The following FHIT variants were observed in gnomAD, a reference collection of about 807,000 sequenced individuals.
FHIT encodes the protein fragile histidine triad diadenosine triphosphatase.
FHIT carries 19 observed loss-of-function variants against 17.9 expected under a neutral mutation model. That is an observed-to-expected ratio of 1.06 (90% CI 0.74 to 1.56). FHIT has a LOEUF of 1.56. Ranked by LOEUF, FHIT falls within the 40% of genes most tolerant of loss-of-function variation. FHIT has a pLI of 0.00. For synonymous variants in FHIT, 81 were observed against 69.7 expected, an observed-to-expected ratio of 1.16 and a Z score of -0.81; for missense variants, 248 against 189.2, an observed-to-expected ratio of 1.31 and a Z score of -1.82.
At chr3:61,035,736 T>G (rs538093721) in intron 3 of FHIT, among the ~76,000 whole-genome samples, 1 of 152,140 alleles carries the variant, frequency 6.6e-6, no homozygotes, top group Non-Finnish European at 1.5e-5. Context: ...TTTTAAAATA[T>G]TATCCAAGAA....
intron 5 of FHIT, among the ~76,000 whole-genome samples, chr3:60,055,399 T>C (rs1291184570): frequency 1.3e-5 from 2 of 150,328 alleles, no homozygotes; most frequent in Non-Finnish European, 3.0e-5. Context: ...AGACTCTAAC[T>C]AGAAAAAGCA....
intron 5 of FHIT, among the ~76,000 whole-genome samples, chr3:60,249,671 T>A (rs1427838578): frequency 9.8e-6 from 1 of 102,304 alleles, no homozygotes; most frequent in Non-Finnish European, 1.9e-5. Flanking sequence ...GGGCACAATA[T>A]CAAGGAAATA....
At chr3:60,886,927 C>G (rs534057686) in intron 3 of FHIT, among the ~76,000 whole-genome samples, 1 of 152,102 alleles carries the variant, frequency 6.6e-6, no homozygotes, top group Non-Finnish European at 1.5e-5. Flanking sequence ...TATAGCATGC[C>G]GTGGTTTGTT....
At chr3:60,269,500 GC>G (rs1706757640) in intron 5 of FHIT, among the ~76,000 whole-genome samples, 1 of 152,288 alleles carries the variant, frequency 6.6e-6, no homozygotes, top group South Asian at 2.1e-4. Flanking sequence ...CACAAAAGTT[GC>G]TTTAGCTTAT....
At chr3:60,674,194 C>A (rs2107848040) in intron 4 of FHIT, among the ~76,000 whole-genome samples, 1 of 152,196 alleles carries the variant, frequency 6.6e-6, no homozygotes, top group Non-Finnish European at 1.5e-5. Context: ...TAAGGCCATT[C>A]AGTAAACTTT....
At chr3:60,566,875 G>A (rs6777395) in intron 4 of FHIT, among the ~76,000 whole-genome samples, 8 of 141,496 alleles carry the variant, frequency 5.7e-5, no homozygotes, top group Admixed American at 7.2e-5. Flanking sequence ...TCAAAGAGAA[G>A]AAAATACCTA....
intron 5 of FHIT, among the ~76,000 whole-genome samples, chr3:60,114,993 G>T (rs950095261): frequency 6.6e-6 from 1 of 151,902 alleles, no homozygotes; most frequent in Non-Finnish European, 1.5e-5. Flanking sequence ...AACTATTTAA[G>T]GAAAATATGT....
chr3:60,647,631 G>C (rs1260844089), intron 4 of FHIT, among the ~76,000 whole-genome samples: 1 of 152,138 alleles, frequency 6.6e-6, no homozygotes, highest in African/African-American at 2.4e-5. Context: ...GCCAAAAGAA[G>C]AAAAACACCT....
intron 8 of FHIT, among the ~76,000 whole-genome samples, chr3:59,847,946 G>T (rs1485621133): frequency 6.6e-6 from 1 of 152,108 alleles, no homozygotes; most frequent in South Asian, 2.1e-4. Context: ...GAAAAATTAA[G>T]GGAAGCGAAA....
chr3:60,924,707 A>G (rs782607685), intron 3 of FHIT, among the ~76,000 whole-genome samples: 6 of 152,366 alleles, frequency 3.9e-5, no homozygotes, highest in Non-Finnish European at 8.8e-5. Context: ...AGCTGGACGG[A>G]GAATGACTTT....
intron 5 of FHIT, among the ~76,000 whole-genome samples, chr3:60,343,744 T>C (rs1710637526): frequency 6.6e-6 from 1 of 152,026 alleles, no homozygotes; most frequent in African/African-American, 2.4e-5. Context: ...GCACTGTGGA[T>C]ACATCTGTCC....
chr3:60,049,070 C>T (rs1701768670), intron 5 of FHIT, among the ~76,000 whole-genome samples: 1 of 152,142 alleles, frequency 6.6e-6, no homozygotes, highest in Admixed American at 6.5e-5. Context: ...TTTCCTGATC[C>T]CTTGCTACCT....
chr3:60,707,699 A>G (rs1294926503), intron 4 of FHIT, among the ~76,000 whole-genome samples: 1 of 152,190 alleles, frequency 6.6e-6, no homozygotes, highest in African/African-American at 2.4e-5. Context: ...TATAAGAATA[A>G]CATATCATTT....
chr3:60,072,747 T>C (rs115352667), intron 5 of FHIT, among the ~76,000 whole-genome samples: 1,947 of 152,300 alleles, frequency 0.013, 27 homozygotes, highest in Non-Finnish European at 0.019. Flanking sequence ...CCACTCTACA[T>C]CTTCTGTACT....
chr3:60,162,727 C>A (rs1700994581), intron 5 of FHIT, among the ~76,000 whole-genome samples: 1 of 152,158 alleles, frequency 6.6e-6, no homozygotes, highest in Non-Finnish European at 1.5e-5. Flanking sequence ...GAACCCATGA[C>A]TGATTTCAGA....
At chr3:59,959,514 C>T (rs928941046) in intron 7 of FHIT, among the ~76,000 whole-genome samples, 1 of 152,156 alleles carries the variant, frequency 6.6e-6, no homozygotes, top group East Asian at 1.9e-4. Context: ...TGTGGCAATA[C>T]TATAGGAGGT....
chr3:61,137,452 T>A (rs1301952637), intron 2 of FHIT, among the ~76,000 whole-genome samples: 1 of 152,096 alleles, frequency 6.6e-6, no homozygotes, highest in African/African-American at 2.4e-5. Flanking sequence ...GTCTCTAAGT[T>A]TCTATAGCAA....
intron 7 of FHIT, among the ~76,000 whole-genome samples, chr3:59,979,686 T>C (rs918615505): frequency 3.9e-5 from 6 of 152,114 alleles, no homozygotes; most frequent in Non-Finnish European, 7.4e-5. Flanking sequence ...CACTAAGATA[T>C]GGTGGGGCTG....
chr3:61,170,912 G>A (rs1329150831), intron 2 of FHIT, among the ~76,000 whole-genome samples: 2 of 151,902 alleles, frequency 1.3e-5, no homozygotes, highest in Non-Finnish European at 2.9e-5. Context: ...AATCCCACTG[G>A]TATTAGATAC....
Sources: allele counts gnomAD v4.1 joint callset (sites outside exome capture counted in the v4.1 genomes callset), GRCh38; gene constraint gnomAD v4.1.1; transcripts MANE v1.5; gene names NCBI Gene and HGNC (gene_info 2026-07-23, HGNC 2026-07-21).